EFNA5: variants seen among roughly 807,000 people sequenced by gnomAD.
EFNA5 encodes ephrin-A5.
A neutral mutation model predicts 22.9 loss-of-function variants in EFNA5; 5 were observed. That is an observed-to-expected ratio of 0.22 (90% CI 0.11 to 0.46). The LOEUF is 0.46. EFNA5 is among the 20% of genes least tolerant of loss of function. The probability of loss-of-function intolerance (pLI) is 0.99; values close to 1 mark genes in which losing one functional copy is unlikely to be tolerated. For missense variants in EFNA5, 237 were observed against 293.3 expected, an observed-to-expected ratio of 0.81 and a Z score of 1.40; for synonymous variants, 113 against 112.2, an observed-to-expected ratio of 1.01 and a Z score of -0.04.
chr5:107,574,485 C>T (rs768612670), intron 1 of EFNA5, among the ~76,000 whole-genome samples: 1 of 152,230 alleles, frequency 6.6e-6, no homozygotes, highest in Non-Finnish European at 1.5e-5. Context: ...GTGCCAACAA[C>T]CTCTGGCTTC....
rs906209382 is a variant in EFNA5, at chr5:107,449,515, C to A, written c.126-22006G>T. 2.6e-5 allele frequency among the ~76,000 whole-genome samples: 4 copies of A among 152,000 alleles called. No homozygotes were observed. In the South Asian group the frequency reaches 6.2e-4, roughly 24 times the overall value. ...AGCTTATCACATCATCCCTCCCCGC[C>A]CCCCCAACTACACCTGCTCTGAACC... On this transcript the variant is annotated intron_variant, in intron 1 of 4. Coordinates refer to ENST00000333274, the MANE Select transcript of EFNA5 (RefSeq NM_001962.3).
intron 2 of EFNA5, among the ~76,000 whole-genome samples, chr5:107,408,308 C>G (rs1301693030): frequency 2.6e-5 from 4 of 152,154 alleles, no homozygotes; most frequent in African/African-American, 9.7e-5. Context: ...AAGAAATGTT[C>G]TTTACACTCC....
intron 1 of EFNA5, among the ~76,000 whole-genome samples, chr5:107,527,348 G>T (rs550429114): frequency 1.8e-4 from 27 of 150,356 alleles, no homozygotes; most frequent in Non-Finnish European, 3.8e-4. Context: ...ATACAGTGGC[G>T]CAATCTCGGC....
intron 1 of EFNA5, among the ~76,000 whole-genome samples, chr5:107,519,474 T>G (rs1186095062): frequency 6.6e-6 from 1 of 152,212 alleles, no homozygotes; most frequent in Middle Eastern, 3.2e-3. Context: ...TTTTCTCACT[T>G]AATCCATTTC....
chr5:107,472,291 A>T (rs1750162433), intron 1 of EFNA5, among the ~76,000 whole-genome samples: 1 of 152,204 alleles, frequency 6.6e-6, no homozygotes, highest in Non-Finnish European at 1.5e-5. Context: ...CTAGGTTACG[A>T]TGGCGTCATC....
At chr5:107,567,010 T>G (rs352613) in intron 1 of EFNA5, among the ~76,000 whole-genome samples, 44,236 of 152,118 alleles carry the variant, frequency 0.29, 9,067 homozygotes, top group African/African-American at 0.58. Context: ...AAGTTAATAT[T>G]TACTTTAAAA....
At chr5:107,559,880 C>A (rs931776857) in intron 1 of EFNA5, among the ~76,000 whole-genome samples, 7 of 152,128 alleles carry the variant, frequency 4.6e-5, no homozygotes, top group African/African-American at 1.7e-4. Context: ...TGGATGCTTT[C>A]CCCCCAAATC....
intron 1 of EFNA5, among the ~76,000 whole-genome samples, chr5:107,639,784 A>T (rs909627305): frequency 6.6e-6 from 1 of 152,140 alleles, no homozygotes; most frequent in Non-Finnish European, 1.5e-5. Context: ...ATTAAAACAC[A>T]TTTTTTGTTT....
chr5:107,591,973 TATAATATATA>T (rs1561443103), intron 1 of EFNA5, among the ~76,000 whole-genome samples: 13 of 39,312 alleles, frequency 3.3e-4, no homozygotes, highest in South Asian at 4.4e-4. Flanking sequence ...ATATAATATA[TATAATATATA>T]ATATATAATA....
At position 107,427,241 on chromosome 5, in the gene EFNA5, G is replaced by C; in HGVS notation, c.394C>G (p.Pro132Ala). 6.2e-7 allele frequency: 1 copy of C among 1,614,034 alleles called. No homozygotes were observed. Among genetic ancestry groups the C allele is most frequent in the South Asian group, 1.1e-5 (1 of 91,084 alleles). The change falls in exon 2 of 5, where the codon CCA (proline) becomes GCA (alanine). Residue 132 changes from proline (P) to alanine (A), a missense_variant. Pro to Ala is a conservative substitution (Grantham distance 27). Transcript: ENST00000333274. ...CAGATGTAGAAATATTCTCGGCCTG[G>C]CCTGAATTCAAATCCTAGAGAAAAG... ...TPFSLGFEFR[P>A]GREYFYISSA...
rs904629061 is a variant in EFNA5 at position 107,379,045 on chromosome 5, G to A, written c.*2210C>T. The A allele has an allele frequency of 1.1e-4, 16 of 151,996 alleles. No homozygotes were observed. Among genetic ancestry groups the A allele is most frequent in the African/African-American group, 3.9e-4 (16 of 41,346 alleles). The allele number at this position is 151,996 out of a possible 1,614,324, so 9.4% of individuals were successfully genotyped here. A position where few individuals can be genotyped will look rare whatever the true frequency, so the allele number is the denominator to read the frequency against. ...ACTGAGAGTACTGCATATATAAATA[G>A]CTAAAGGAAAAAGGAATTGAATGCC... is the stretch of plus-strand genomic sequence containing the variant. On this transcript the variant is annotated 3_prime_UTR_variant, in exon 5 of 5. Transcript: ENST00000333274.
At chr5:107,397,856 G>C (rs1747971372) in intron 2 of EFNA5, among the ~76,000 whole-genome samples, 1 of 152,122 alleles carries the variant, frequency 6.6e-6, no homozygotes, top group African/African-American at 2.4e-5. Context: ...CTTTTATGTT[G>C]ATTGAGTGGA....
chr5:107,414,427 G>A (rs1189664809), intron 2 of EFNA5, among the ~76,000 whole-genome samples: 2 of 151,810 alleles, frequency 1.3e-5, no homozygotes, highest in East Asian at 1.9e-4. Flanking sequence ...TCCCACACTG[G>A]ATTGTGAGCT....
intron 3 of EFNA5, 92 bp downstream of exon 3, chr5:107,387,614 C>A: frequency 2.4e-6 from 2 of 838,748 alleles, no homozygotes; most frequent in Admixed American, 2.4e-5. Context: ...CAAGATTTAA[C>A]AGTAAAAAAA....
At chr5:107,577,530 C>T (rs887708028) in intron 1 of EFNA5, among the ~76,000 whole-genome samples, 3 of 152,142 alleles carry the variant, frequency 2.0e-5, no homozygotes, top group Admixed American at 6.5e-5. Flanking sequence ...GGATTACATC[C>T]AAGGCCCACT....
chr5:107,570,790 A>G lies in EFNA5; in HGVS notation c.125+99699T>C, dbSNP rs144328211. Among the ~76,000 whole-genome samples the G allele has an allele frequency of 5.7e-3, 876 of 152,350 alleles. 5 individuals are homozygous for G. Among genetic ancestry groups the G allele is most frequent in the African/African-American group, 0.02 (814 of 41,562 alleles). On this transcript the variant is annotated intron_variant, in intron 1 of 4. Coordinates refer to ENST00000333274, the MANE Select transcript of EFNA5 (RefSeq NM_001962.3). Reference sequence around the variant, plus strand: ...CTTAAACAGACCAATTGATGTGAGCAAAGTAAGAACCAATAAATACCAGAG... The same window carrying G: ...CTTAAACAGACCAATTGATGTGAGCGAAGTAAGAACCAATAAATACCAGAG...
chr5:107,507,919 T>C (rs1747285512), intron 1 of EFNA5, among the ~76,000 whole-genome samples: 1 of 152,198 alleles, frequency 6.6e-6, no homozygotes, highest in Non-Finnish European at 1.5e-5. Flanking sequence ...TGAGCAAAGA[T>C]TAACCAGCTG....
chr5:107,496,566 C>T (rs1746991805), intron 1 of EFNA5, among the ~76,000 whole-genome samples: 1 of 151,806 alleles, frequency 6.6e-6, no homozygotes, highest in Non-Finnish European at 1.5e-5. Context: ...TACCCCTCTC[C>T]TCCTTCCTGC....
At chr5:107,412,957 T>C (rs1030529470) in intron 2 of EFNA5, among the ~76,000 whole-genome samples, 11 of 152,180 alleles carry the variant, frequency 7.2e-5, no homozygotes, top group Non-Finnish European at 1.5e-4. Context: ...AAATGTATAA[T>C]TAAAAGTACC....
Sources: allele counts gnomAD v4.1 joint callset (sites outside exome capture counted in the v4.1 genomes callset), GRCh38; gene constraint gnomAD v4.1.1; transcripts MANE v1.5; gene names NCBI Gene and HGNC (gene_info 2026-07-23, HGNC 2026-07-21).